The following ZNF385D variants were observed in gnomAD, a reference collection of about 807,000 sequenced individuals.
The protein encoded by ZNF385D is zinc finger protein 385D.
A neutral mutation model predicts 35.8 loss-of-function variants in ZNF385D; 15 were observed. The observed-to-expected ratio is 0.42, with a 90% confidence interval of 0.28 to 0.64. ZNF385D has a LOEUF of 0.64. Ranked by LOEUF, ZNF385D falls within the 30% of genes least tolerant of loss-of-function variation. ZNF385D has a pLI of 0.23. For synonymous variants in ZNF385D, 212 were observed against 186.8 expected (o/e 1.13, Z -1.10); for missense variants, 474 against 494.6 (o/e 0.96, Z 0.39).
At chr3:21,822,347 C>T (rs1376555036) in intron 3 of ZNF385D, among the ~76,000 whole-genome samples, 1 of 152,118 alleles carries the variant, frequency 6.6e-6, no homozygotes, top group Non-Finnish European at 1.5e-5. Context: ...GCTGGGAGTA[C>T]AGGTGTGAAT....
intron 3 of ZNF385D, among the ~76,000 whole-genome samples, chr3:21,871,573 A>G (rs2125847476): frequency 6.6e-6 from 1 of 152,258 alleles, no homozygotes. Context: ...TAAAGGAATG[A>G]TTATCATGAT....
At chr3:22,024,032 G>A (rs1038557169) in intron 3 of ZNF385D, among the ~76,000 whole-genome samples, 1 of 152,158 alleles carries the variant, frequency 6.6e-6, no homozygotes, top group Non-Finnish European at 1.5e-5. Flanking sequence ...ATTTGAGTAA[G>A]TGGACTGGGA....
At chr3:22,323,922 C>A (rs1407305387) in intron 2 of ZNF385D, among the ~76,000 whole-genome samples, 1 of 152,090 alleles carries the variant, frequency 6.6e-6, no homozygotes, top group African/African-American at 2.4e-5. Flanking sequence ...TCAGGCTTTG[C>A]CTTTAACTAA....
chr3:21,778,723 T>C (rs575080088), intron 3 of ZNF385D, among the ~76,000 whole-genome samples: 2 of 151,958 alleles, frequency 1.3e-5, no homozygotes, highest in African/African-American at 4.8e-5. Flanking sequence ...ATTTAAAAAA[T>C]CCAAATAGAA....
At chr3:22,041,458 C>T (rs553346085) in intron 3 of ZNF385D, among the ~76,000 whole-genome samples, 1 of 152,048 alleles carries the variant, frequency 6.6e-6, no homozygotes, top group South Asian at 2.1e-4. Flanking sequence ...TTAAGCAAAA[C>T]CACAATTAAA....
chr3:21,986,565 G>A (rs1028767324), intron 3 of ZNF385D, among the ~76,000 whole-genome samples: 1 of 148,150 alleles, frequency 6.7e-6, no homozygotes, highest in Non-Finnish European at 1.5e-5. Context: ...TTTTACATTT[G>A]CTGTGGAGAG....
rs1268417217 is a variant in ZNF385D, at chr3:21,646,741, C to A, written c.165+18145G>T. Among the ~76,000 whole-genome samples, 1 of 152,142 alleles carries A rather than the reference C, an allele frequency of 6.6e-6. No individual in the cohort carries two copies. The highest frequency in any genetic ancestry group is 2.1e-4 in the South Asian group (1 of 4,822). ...ACAGACCCTTCCAGTTACTTTCCTT[C>A]CTTATATCATCTGGGAATGTATTAA... is the stretch of plus-strand genomic sequence containing the variant. On this transcript the variant is annotated intron_variant, in intron 2 of 7. Coordinates refer to ENST00000281523, the MANE Select transcript of ZNF385D (RefSeq NM_024697.3). The surrounding 1 kb of genome is among the most constrained non-coding windows in gnomAD (Gnocchi z 4.3).
rs537967533 is a variant in ZNF385D, at chr3:21,971,214, C to T, written c.325+197603G>A. Among the ~76,000 whole-genome samples, 5 of 151,962 alleles carry T rather than the reference C, an allele frequency of 3.3e-5. No homozygotes were observed. In the East Asian group the frequency reaches 9.7e-4, roughly 29 times the overall value. ...TTATGGTGTATAAACTACTCATACC[C>T]AGAATAGAAAGACTAAAAGATGAAC... On this transcript the variant is annotated intron_variant, in intron 3 of 5. Transcript: ENST00000494108.
intron 3 of ZNF385D, among the ~76,000 whole-genome samples, chr3:21,548,362 T>A (rs902013850): frequency 1.3e-5 from 2 of 152,190 alleles, no homozygotes; most frequent in South Asian, 2.1e-4. Flanking sequence ...ATATCTAAGA[T>A]TTTTAGAGCC....
rs1341833602 is a variant in ZNF385D at position 21,414,641 on chromosome 3, A to G, written c.*6573T>C. 1 of 152,098 alleles carries G rather than the reference A, an allele frequency of 6.6e-6. No individual in the cohort carries two copies. Among genetic ancestry groups the G allele is most frequent in the Non-Finnish European group, 1.5e-5 (1 of 67,994 alleles). The allele number at this position is 152,098 out of a possible 1,614,324, so 9.4% of individuals were successfully genotyped here. A position where few individuals can be genotyped will look rare whatever the true frequency, so the allele number is the denominator to read the frequency against. ...CATTATCCCTATTTTTATCAGAGAG[A>G]ATCATCAAAATGTCAAGTGAATTGG... On this transcript the variant is annotated 3_prime_UTR_variant, in exon 8 of 8. Transcript: ENST00000281523.
chr3:21,808,623 T>C (rs1350155143), intron 3 of ZNF385D, among the ~76,000 whole-genome samples: 1 of 152,226 alleles, frequency 6.6e-6, no homozygotes, highest in Non-Finnish European at 1.5e-5. Flanking sequence ...CTGTTGTCAA[T>C]TATTCCTCTC....
At chr3:22,020,264 T>C (rs1045771819) in intron 3 of ZNF385D, among the ~76,000 whole-genome samples, 4 of 151,914 alleles carry the variant, frequency 2.6e-5, no homozygotes, top group Non-Finnish European at 4.4e-5. Context: ...GCAAGGTCTC[T>C]ACAGAAAGGA....
At chr3:21,604,782 C>T (rs62237370) in intron 2 of ZNF385D, among the ~76,000 whole-genome samples, 1,756 of 152,194 alleles carry the variant, frequency 0.012, 19 homozygotes, top group Non-Finnish European at 0.019. Flanking sequence ...ATAGGAAACT[C>T]TCCAAAGAAA....
chr3:22,038,619 G>A (rs1038880945), intron 3 of ZNF385D, among the ~76,000 whole-genome samples: 1 of 152,014 alleles, frequency 6.6e-6, no homozygotes, highest in Non-Finnish European at 1.5e-5. Flanking sequence ...TTTTTTAACA[G>A]TTTAATCAAA....
chr3:21,852,999 G>A (rs1368416168), intron 3 of ZNF385D, among the ~76,000 whole-genome samples: 4 of 151,742 alleles, frequency 2.6e-5, no homozygotes, highest in African/African-American at 9.7e-5. Flanking sequence ...ACATCCCTCT[G>A]GACCTATTTT....
At chr3:21,726,857 T>C (rs865993838) in intron 1 of ZNF385D, among the ~76,000 whole-genome samples, 1 of 152,160 alleles carries the variant, frequency 6.6e-6, no homozygotes, top group Admixed American at 6.5e-5. Context: ...AGAGCCCGCA[T>C]AGCCAAGAGA....
intron 3 of ZNF385D, among the ~76,000 whole-genome samples, chr3:21,995,791 A>C (rs1183051886): frequency 6.6e-6 from 1 of 151,950 alleles, no homozygotes; most frequent in African/African-American, 2.4e-5. Flanking sequence ...AGGAGCCCCT[A>C]CTGCTAGTTG....
intron 3 of ZNF385D, among the ~76,000 whole-genome samples, chr3:22,003,307 G>C (rs1695976683): frequency 6.6e-6 from 1 of 151,960 alleles, no homozygotes; most frequent in South Asian, 2.1e-4. Context: ...CAGATATCAA[G>C]ACCACAATTT....
At chr3:21,728,000 G>C (rs1314497749) in intron 1 of ZNF385D, among the ~76,000 whole-genome samples, 1 of 152,044 alleles carries the variant, frequency 6.6e-6, no homozygotes, top group African/African-American at 2.4e-5. Flanking sequence ...CATGGATGAA[G>C]CTGGAAACCA....
Sources: gnomAD v4.1 joint callset for allele counts (sites outside exome capture counted in the v4.1 genomes callset) on GRCh38, gnomAD v4.1.1 for gene constraint, Gnocchi (gnomAD v3.1) non-coding constraint, MANE v1.5 for transcripts, NCBI Gene and HGNC (gene_info 2026-07-23, HGNC 2026-07-21) for gene names.